The following RGS9 variants were observed in gnomAD, a reference collection of about 807,000 sequenced individuals.
RGS9 encodes regulator of G-protein signalling 9.
Under a neutral mutation model 102.0 loss-of-function variants are expected in RGS9, and 78 were observed. The ratio of observed to expected loss-of-function variants is 0.76; its 90% CI spans 0.64 to 0.92. RGS9 has a LOEUF of 0.92. RGS9 is among the 40% of genes least tolerant of loss of function. The probability of loss-of-function intolerance (pLI) is 0.00; values close to 1 mark genes in which losing one functional copy is unlikely to be tolerated. For missense variants in RGS9, 833 were observed against 866.1 expected (o/e 0.96, Z 0.48); for synonymous variants, 353 against 318.6 (o/e 1.11, Z -1.15).
At chr17:65,154,018 T>C (rs1222092965) in intron 2 of RGS9, among the ~76,000 whole-genome samples, 2 of 152,056 alleles carry the variant, frequency 1.3e-5, no homozygotes, top group Non-Finnish European at 2.9e-5. Flanking sequence ...TTAAAATATA[T>C]AGTTGTGGCC....
chr17:65,189,564 A>T (rs2056635596), intron 10 of RGS9, among the ~76,000 whole-genome samples: 1 of 152,210 alleles, frequency 6.6e-6, no homozygotes, highest in Non-Finnish European at 1.5e-5. Flanking sequence ...GGGTGGCCAG[A>T]GAGGACTGTG....
chr17:65,144,667 G>C (rs1910286934), intron 1 of RGS9, among the ~76,000 whole-genome samples: 1 of 152,172 alleles, frequency 6.6e-6, no homozygotes, highest in African/African-American at 2.4e-5. Context: ...AAGGACACAA[G>C]GAGGAGAGTG....
chr17:65,204,329 G>A (rs1420744786), intron 15 of RGS9, 28 bp downstream of exon 15: 4 of 1,612,456 alleles, frequency 2.5e-6, no homozygotes. Flanking sequence ...GTGGATACGG[G>A]GTCCAGATAG....
intron 12 of RGS9, among the ~76,000 whole-genome samples, chr17:65,194,119 G>C (rs1230757554): frequency 2.6e-5 from 4 of 152,188 alleles, no homozygotes; most frequent in African/African-American, 7.2e-5. Flanking sequence ...TCATCTCTTG[G>C]GTATTGCGCT....
At chr17:65,216,491 G>A (rs956913373) in intron 17 of RGS9, among the ~76,000 whole-genome samples, 3 of 152,172 alleles carry the variant, frequency 2.0e-5, no homozygotes, top group Non-Finnish European at 4.4e-5. Context: ...ACAAAAATTA[G>A]CCGGGCGTGG....
chr17:65,145,257 A>T (rs1295364396), intron 1 of RGS9, among the ~76,000 whole-genome samples: 4 of 145,622 alleles, frequency 2.7e-5, no homozygotes, highest in Non-Finnish European at 4.5e-5. Context: ...CGCCTGGCTA[A>T]TTTTTTTGTA....
chr17:65,199,619 A>T (rs1598609535), intron 13 of RGS9, among the ~76,000 whole-genome samples: 1 of 147,186 alleles, frequency 6.8e-6, no homozygotes, highest in Admixed American at 6.9e-5. Context: ...TCAGCCTCCC[A>T]AGTAGCTGGG....
intron 1 of RGS9, among the ~76,000 whole-genome samples, chr17:65,151,171 C>T (rs920568460): frequency 6.6e-6 from 1 of 152,066 alleles, no homozygotes; most frequent in African/African-American, 2.4e-5. Flanking sequence ...ATGGCAAAAC[C>T]CTGTCTCTAC....
intron 9 of RGS9, among the ~76,000 whole-genome samples, chr17:65,186,973 T>C (rs894474086): frequency 2.6e-5 from 4 of 152,192 alleles, no homozygotes; most frequent in African/African-American, 9.7e-5. Context: ...TAGATTTGAA[T>C]GTAAGTCCAC....
At chr17:65,197,400 C>A (rs2144081044) in intron 13 of RGS9, among the ~76,000 whole-genome samples, 159 bp downstream of exon 13, 1 of 152,276 alleles carries the variant, frequency 6.6e-6, no homozygotes, top group East Asian at 1.9e-4. Flanking sequence ...AGAATGGGAC[C>A]TGAGCCCAAG....
intron 17 of RGS9, among the ~76,000 whole-genome samples, chr17:65,219,681 A>G (rs761044101): frequency 5.9e-5 from 9 of 152,228 alleles, no homozygotes; most frequent in Non-Finnish European, 8.8e-5. Context: ...CATTGTGAAT[A>G]TTAAGTAAAA....
At chr17:65,227,229 T>C in intron 18 of RGS9, 46 bp from the exon 19 acceptor site, 1 of 1,613,506 alleles carries the variant, frequency 6.2e-7, no homozygotes, top group Non-Finnish European at 8.5e-7. Context: ...GTGCAGTCCC[T>C]CCTGCCCCTG....
At chr17:65,141,380 C>T (rs1598551054) in intron 1 of RGS9, among the ~76,000 whole-genome samples, 1 of 152,200 alleles carries the variant, frequency 6.6e-6, no homozygotes, top group Non-Finnish European at 1.5e-5. Flanking sequence ...TCACCATGGG[C>T]GAATTTCTTG....
Position 65,195,670 on chromosome 17 carries a change from A to G in RGS9, c.861-1456A>G, listed in dbSNP as rs74488899. On this transcript the variant is annotated intron_variant, in intron 12 of 18. Coordinates refer to ENST00000262406, the MANE Select transcript of RGS9 (RefSeq NM_003835.4). ...ATGAAAGCGGGAAGTCTTGTTCTTA[A>G]TGGTTTAGATTTTAGAACAGTATTA... Among the ~76,000 whole-genome samples the G allele has an allele frequency of 4.7e-3, 709 of 152,152 alleles. 5 individuals are homozygous for G. The highest frequency in any genetic ancestry group is 0.023 in the East Asian group (121 of 5,182).
Position 65,222,419 on chromosome 17 carries a change from G to T in RGS9, c.1408-2583G>T, listed in dbSNP as rs375563672. On this transcript the variant is annotated intron_variant, in intron 17 of 18. Transcript: ENST00000262406. ...CTACCCCATCACATTTATGGTTCAC[G>T]TGTACACTCAAGGACAGGGGTGGGA... Among the ~76,000 whole-genome samples, 7 of 152,276 alleles carry T rather than the reference G, an allele frequency of 4.6e-5. No homozygotes were observed. The East Asian group carries it at 7.7e-4, about 17-fold the overall frequency.
chr17:65,202,358 C>T (rs779481286), intron 14 of RGS9, among the ~76,000 whole-genome samples: 1 of 150,274 alleles, frequency 6.7e-6, no homozygotes, highest in South Asian at 2.1e-4. Flanking sequence ...TCCCGAATTA[C>T]AGTGCAGAGT....
At position 65,160,889 on chromosome 17, in the gene RGS9, AT is replaced by A. The variant is rs1221888867; in HGVS notation, c.407del (p.Leu136TrpfsTer12). 2 of 1,613,810 alleles carry A rather than the reference AT, an allele frequency of 1.2e-6. No homozygotes were observed. The highest frequency in any genetic ancestry group is 1.7e-6 in the Non-Finnish European group (2 of 1,179,652). Reference protein sequence around the residue: ...LAKRNIKKKGILEEYEKENYN... With the variant: ...LAKRNIKKKGXLEEYEKENYN... The stretch of plus-strand genomic sequence containing the variant: ...CAAGCGAAATATCAAAAAGAAAGGG[AT>A]TTTGGAAGAATATGAAAAGGTATGG... On this transcript the variant is annotated frameshift_variant, in exon 6 of 19. Transcript: ENST00000262406. LOFTEE classifies it high-confidence loss of function.
intron 17 of RGS9, among the ~76,000 whole-genome samples, chr17:65,218,100 G>A (rs892480167): frequency 1.3e-5 from 2 of 152,162 alleles, no homozygotes; most frequent in African/African-American, 4.8e-5. Flanking sequence ...GCTAGGAGAG[G>A]GAAGAAGTGT....
At chr17:65,204,027 T>G in intron 14 of RGS9, 136 bp from the exon 15 acceptor site, 1 of 927,560 alleles carries the variant, frequency 1.1e-6, no homozygotes. Context: ...TCATGCTCTT[T>G]AGTGTCTCCT....
Sources: gnomAD v4.1 joint callset for allele counts (sites outside exome capture counted in the v4.1 genomes callset) on GRCh38, gnomAD v4.1.1 for gene constraint, MANE v1.5 for transcripts, NCBI Gene and HGNC (gene_info 2026-07-23, HGNC 2026-07-21) for gene names.